Variants in RANBP2 observed in about 807,000 individuals in gnomAD.
RANBP2 encodes E3 SUMO-protein ligase RanBP2.
RANBP2 carries 57 observed loss-of-function variants against 303.6 expected under a neutral mutation model. The ratio of observed to expected loss-of-function variants is 0.19; its 90% CI spans 0.15 to 0.23. The LOEUF is 0.23. RANBP2 is among the 10% of genes least tolerant of loss of function. The pLI is 1.00. For synonymous variants in RANBP2, 1,167 were observed against 1,301.5 expected, an observed-to-expected ratio of 0.90 and a Z score of 2.23; for missense variants, 3,138 against 3,780.8, an observed-to-expected ratio of 0.83 and a Z score of 4.46.
the RANBP2 span, among the ~76,000 whole-genome samples, chr2:109,623,214 A>T: frequency 6.6e-6 from 1 of 152,208 alleles, no homozygotes; most frequent in South Asian, 2.1e-4. Flanking sequence ...GGAATCTATT[A>T]CAAAGGGTGC....
At chr2:108,928,885 A>G in the RANBP2 span, among the ~76,000 whole-genome samples, 1 of 152,168 alleles carries the variant, frequency 6.6e-6, no homozygotes, top group African/African-American at 2.4e-5. Context: ...CTTTTTCCCA[A>G]AGTGTTTCAC....
the RANBP2 span, among the ~76,000 whole-genome samples, chr2:109,217,334 C>T: frequency 1.3e-5 from 2 of 152,130 alleles, no homozygotes; most frequent in Admixed American, 6.5e-5. Context: ...TTTGTAGATA[C>T]GTATTTGGAA....
chr2:109,079,669 C>A, the RANBP2 span, among the ~76,000 whole-genome samples: 1 of 152,208 alleles, frequency 6.6e-6, no homozygotes, highest in Non-Finnish European at 1.5e-5. Flanking sequence ...CAGTGCTAAA[C>A]GCTGGAATAT....
At chr2:109,434,040 C>T in the RANBP2 span, among the ~76,000 whole-genome samples, 1 of 152,234 alleles carries the variant, frequency 6.6e-6, no homozygotes, top group East Asian at 1.9e-4. Context: ...CCAGTAGGAA[C>T]AGGTTGGCTC....
the RANBP2 span, among the ~76,000 whole-genome samples, chr2:109,323,527 A>G: frequency 6.6e-6 from 1 of 152,314 alleles, no homozygotes; most frequent in East Asian, 1.9e-4. Context: ...CAGGAAGAAT[A>G]TTGTAGGTAG....
chr2:109,673,063 G>A, the RANBP2 span, among the ~76,000 whole-genome samples: 21 of 152,128 alleles, frequency 1.4e-4, no homozygotes, highest in East Asian at 5.8e-4. Context: ...GTTCAATTAC[G>A]TAGCTGTAGA....
At chr2:109,552,937 T>C in the RANBP2 span, 2 of 868,270 alleles carry the variant, frequency 2.3e-6, no homozygotes, top group African/African-American at 3.4e-5. Flanking sequence ...TGATTCTAAG[T>C]CAATATTCAA....
At chr2:109,077,653 A>AT in the RANBP2 span, among the ~76,000 whole-genome samples, 1 of 150,576 alleles carries the variant, frequency 6.6e-6, no homozygotes, top group Admixed American at 6.6e-5. Context: ...AAGGACTTGA[A>AT]TAGATAGTTT....
At chr2:109,238,819 C>T in the RANBP2 span, among the ~76,000 whole-genome samples, 3 of 152,234 alleles carry the variant, frequency 2.0e-5, no homozygotes, top group East Asian at 5.8e-4. Flanking sequence ...GAGGTGTGGT[C>T]TGCCCTGGAG....
the RANBP2 span, chr2:108,882,581 A>G: frequency 0.069 from 10,435 of 152,272 alleles, 405 homozygotes; most frequent in African/African-American, 0.097. Context: ...CACCCATTGT[A>G]GACCCACTTG....
chr2:108,924,022 A>G, the RANBP2 span, among the ~76,000 whole-genome samples: 4 of 152,234 alleles, frequency 2.6e-5, no homozygotes, highest in Admixed American at 2.6e-4. Context: ...GGCCCTCATG[A>G]TAGCTGGCAA....
chr2:109,572,702 C>T, the RANBP2 span, among the ~76,000 whole-genome samples: 4 of 150,324 alleles, frequency 2.7e-5, no homozygotes, highest in Admixed American at 2.0e-4. Context: ...CCACAACCTC[C>T]GCCTCCTGGG....
chr2:109,508,552 G>A, the RANBP2 span, among the ~76,000 whole-genome samples: 135 of 152,110 alleles, frequency 8.9e-4, 1 homozygote, highest in Non-Finnish European at 1.2e-3. Context: ...CAGAGGAAAC[G>A]TCAACAGACG....
the RANBP2 span, among the ~76,000 whole-genome samples, chr2:109,728,486 C>T: frequency 4.0e-5 from 6 of 151,138 alleles, no homozygotes; most frequent in Non-Finnish European, 8.8e-5. Flanking sequence ...GATGGAGTCT[C>T]GCTCTGTTGC....
chr2:108,760,134 A>C lies in RANBP2; in HGVS notation c.2602+1586A>C, dbSNP rs550451131. On this transcript the variant is annotated intron_variant, in intron 18 of 28. Transcript: ENST00000283195. ...ATCAAGATGGTCCTTGTTTTTTAAA[A>C]ATAAGATGATTAAAATTAAAGATTA... Among the ~76,000 whole-genome samples, 485 of 152,266 alleles carry C rather than the reference A, an allele frequency of 3.2e-3. 2 individuals are homozygous for C. Among genetic ancestry groups the C allele is most frequent in the African/African-American group, 0.011 (443 of 41,562 alleles).
the RANBP2 span, among the ~76,000 whole-genome samples, chr2:109,603,661 A>T: frequency 6.6e-6 from 1 of 152,226 alleles, no homozygotes; most frequent in African/African-American, 2.4e-5. Flanking sequence ...TGGGAGACAT[A>T]CATACAACTA....
the RANBP2 span, among the ~76,000 whole-genome samples, chr2:109,654,212 C>T: frequency 8.5e-3 from 1,297 of 152,052 alleles, 45 homozygotes; most frequent in East Asian, 0.1. Flanking sequence ...CCACTACCCC[C>T]ACTAACAAGG....
chr2:109,760,370 GGGGGCGGGGCCGGGGGCCAGGC>G, the RANBP2 span: 4 of 197,828 alleles, frequency 2.0e-5, no homozygotes, highest in Non-Finnish European at 3.3e-5. Context: ...GCGCAGGGCC[GGGGGCGGGGCCGGGGGCCAGGC>G]GGGGCGGGGG....
At chr2:109,407,597 C>G in the RANBP2 span, among the ~76,000 whole-genome samples, 1 of 152,218 alleles carries the variant, frequency 6.6e-6, no homozygotes, top group Non-Finnish European at 1.5e-5. Flanking sequence ...GTGCAAACTC[C>G]GGCTCCAGCT....
Sources: allele counts gnomAD v4.1 joint callset (sites outside exome capture counted in the v4.1 genomes callset), GRCh38; gene constraint gnomAD v4.1.1; transcripts MANE v1.5; gene names NCBI Gene and HGNC (gene_info 2026-07-23, HGNC 2026-07-21).